CNNM4: variants seen among roughly 807,000 people sequenced by gnomAD.
CNNM4 encodes the protein cyclin and CBS domain divalent metal cation transport mediator 4, also known as metal transporter CNNM4.
CNNM4 carries 32 observed loss-of-function variants against 53.7 expected under a neutral mutation model. The observed-to-expected ratio is 0.60, with a 90% confidence interval of 0.45 to 0.80. CNNM4 has a LOEUF of 0.80. Among genes scored for constraint, CNNM4 ranks in the 30% least tolerant of loss-of-function variants. CNNM4 has a pLI of 0.00. For synonymous variants in CNNM4, 410 were observed against 440.0 expected (o/e 0.93, Z 0.85); for missense variants, 784 against 1,022.0 (o/e 0.77, Z 3.17).
At chr2:96,765,413 A>G (rs1574050639) in intron 1 of CNNM4, among the ~76,000 whole-genome samples, 1 of 151,756 alleles carries the variant, frequency 6.6e-6, no homozygotes, top group African/African-American at 2.4e-5. Context: ...GGTGTGAGCC[A>G]CCCTGCCCAG....
chr2:96,810,866 T>G lies in CNNM4; in HGVS notation c.*1349T>G, dbSNP rs920813944. 4 of 152,298 alleles carry G rather than the reference T, an allele frequency of 2.6e-5. No individual in the cohort carries two copies. Among genetic ancestry groups the G allele is most frequent in the Non-Finnish European group, 4.4e-5 (3 of 68,120 alleles). 9.4% of individuals were successfully genotyped at this position (152,298 alleles called of 1,614,324 possible). On this transcript the variant is annotated 3_prime_UTR_variant, in exon 7 of 7. Transcript: ENST00000377075. The surrounding 1 kb of genome is among the most constrained non-coding windows in gnomAD (Gnocchi z 4.1). Reference sequence around the variant, plus strand: ...ACTAAGAGCTCTGCCCTCATGTGAATTCCTGCCCTGGCGCCTCTTCCCTGG... The same window carrying G: ...ACTAAGAGCTCTGCCCTCATGTGAAGTCCTGCCCTGGCGCCTCTTCCCTGG...
chr2:96,764,241 G>A (rs746849303), intron 1 of CNNM4, among the ~76,000 whole-genome samples: 1 of 152,192 alleles, frequency 6.6e-6, no homozygotes, highest in Non-Finnish European at 1.5e-5. Context: ...TGAGAGGGCT[G>A]TCTTTGGGCT....
chr2:96,777,374 A>C (rs2078935346), intron 1 of CNNM4, among the ~76,000 whole-genome samples: 1 of 151,984 alleles, frequency 6.6e-6, no homozygotes, highest in Admixed American at 6.6e-5. Context: ...TTTGAGATAC[A>C]GTCTCTCTGT....
intron 1 of CNNM4, among the ~76,000 whole-genome samples, chr2:96,778,542 G>A (rs1320778849): frequency 1.3e-5 from 2 of 148,506 alleles, no homozygotes; most frequent in African/African-American, 2.5e-5. Flanking sequence ...GGGCGACAGA[G>A]CAAGACTCTG....
intron 1 of CNNM4, among the ~76,000 whole-genome samples, chr2:96,790,781 A>G (rs2079055670): frequency 1.3e-5 from 2 of 150,680 alleles, no homozygotes; most frequent in South Asian, 4.2e-4. Flanking sequence ...GTTGGGAGTT[A>G]GAGACCAGCC....
chr2:96,809,580 G>A lies in CNNM4; in HGVS notation c.*63G>A. On this transcript the variant is annotated 3_prime_UTR_variant, in exon 7 of 7. Coordinates refer to ENST00000377075, the MANE Select transcript of CNNM4 (RefSeq NM_020184.4). ...CCTCCCCAGTGGGCCCACATGAAGAGAGGGAACCTGTTAGTCCAGAAAGGA... is the reference window on the plus strand; with the variant it reads ...CCTCCCCAGTGGGCCCACATGAAGAAAGGGAACCTGTTAGTCCAGAAAGGA... 1 of 1,425,228 alleles carries A rather than the reference G, an allele frequency of 7.0e-7. No homozygotes were observed. Among genetic ancestry groups the A allele is most frequent in the Non-Finnish European group, 9.9e-7 (1 of 1,012,286 alleles). The allele number at this position is 1,425,228 out of a possible 1,614,324, so 88.3% of individuals were successfully genotyped here.
chr2:96,797,590 C>T lies in CNNM4; in HGVS notation c.1624C>T (p.Leu542Phe). 1 of 1,614,196 alleles carries T rather than the reference C, an allele frequency of 6.2e-7. No individual in the cohort carries two copies. The highest frequency in any genetic ancestry group is 8.5e-7 in the Non-Finnish European group (1 of 1,180,032). ...FSAFKDADNE[L>F]KVKISPQLLL... Reference sequence around the variant, plus strand: ...TGCCTTCAAGGATGCGGACAATGAGCTCAAAGTGAAAATCTCCCCGCAGCT... The same window carrying T: ...TGCCTTCAAGGATGCGGACAATGAGTTCAAAGTGAAAATCTCCCCGCAGCT... Residue 542 changes from leucine to phenylalanine, a missense_variant, in exon 3 of 7, where the codon CTC (leucine) becomes TTC (phenylalanine). Physicochemically the swap from Leu to Phe is conservative, Grantham distance 22. Transcript: ENST00000377075. This position sits in a 1 kb window ranked among gnomAD's most constrained non-coding sequence, Gnocchi z 6.0.
Position 96,784,582 on chromosome 2 carries a change from G to A in CNNM4, c.1403-12430G>A, listed in dbSNP as rs2079000832. Among the ~76,000 whole-genome samples the A allele has an allele frequency of 2.0e-5, 3 of 152,234 alleles. No individual in the cohort carries two copies. In the South Asian group the frequency reaches 6.2e-4, roughly 31 times the overall value. ...GACCTGTCCCCAGGGTGAGGGGCCA[G>A]TCTTAGAGTCCCCATCATCAGTTTG... On this transcript the variant is annotated intron_variant, in intron 1 of 6. Coordinates refer to ENST00000377075, the MANE Select transcript of CNNM4 (RefSeq NM_020184.4).
intron 1 of CNNM4, among the ~76,000 whole-genome samples, chr2:96,775,211 A>G (rs909712168): frequency 6.6e-6 from 1 of 152,052 alleles, no homozygotes; most frequent in African/African-American, 2.4e-5. Context: ...ACACCCTGGA[A>G]GCCCACCCCT....
chr2:96,799,312 GTGCATGGCTTCCCTGCC>G (rs1197028699), intron 4 of CNNM4, 86 bp downstream of exon 4: 20 of 1,549,250 alleles, frequency 1.3e-5, no homozygotes, highest in Non-Finnish European at 1.7e-5. Context: ...TGCTGCGGAG[GTGCATGGCTTCCCTGCC>G]TGGGGAGCCT....
rs1220502525 is a variant in CNNM4 at position 96,809,609 on chromosome 2, G to A, written c.*92G>A. On this transcript the variant is annotated 3_prime_UTR_variant, in exon 7 of 7. Transcript: ENST00000377075. ...GAACCTGTTAGTCCAGAAAGGATAC[G>A]GATAGATAGCCTGTCTGACTGAACA... 2.1e-5 allele frequency: 24 copies of A among 1,147,966 alleles called. No individual in the cohort carries two copies. The highest frequency in any genetic ancestry group is 2.3e-4 in the Middle Eastern group (1 of 4,342). The allele number at this position is 1,147,966 out of a possible 1,614,324, so 71.1% of individuals were successfully genotyped here.
Position 96,797,010 on chromosome 2 carries a change from AG to A in CNNM4, c.1404del, listed in dbSNP as rs923648542. 1 of 1,612,778 alleles carries A rather than the reference AG, an allele frequency of 6.2e-7. No homozygotes were observed. Among genetic ancestry groups the A allele is most frequent in the Non-Finnish European group, 8.5e-7 (1 of 1,179,954 alleles). On this transcript the variant is annotated splice_acceptor_variant, in intron 1 of 6. Transcript: ENST00000377075. LOFTEE classifies it high-confidence loss of function. This position sits in a 1 kb window ranked among gnomAD's most constrained non-coding sequence, Gnocchi z 6.0. ...TGTCTGACTTGCTGCATTGTCCCAC[AG>A]GGAAGTCCCACCTGGCCATCGTGCA... is the stretch of plus-strand genomic sequence containing the variant.
At chr2:96,764,175 T>C (rs1314848971) in intron 1 of CNNM4, among the ~76,000 whole-genome samples, 1 of 152,124 alleles carries the variant, frequency 6.6e-6, no homozygotes, top group Admixed American at 6.5e-5. Flanking sequence ...GTCTGACCAG[T>C]CTCCCAGTCT....
intron 1 of CNNM4, among the ~76,000 whole-genome samples, chr2:96,765,055 T>G (rs1574050185): frequency 8.2e-6 from 1 of 122,188 alleles, no homozygotes; most frequent in African/African-American, 3.7e-5. Flanking sequence ...TTTTTTTTTT[T>G]TTTTTTTTTT....
rs1266663105 is a variant in CNNM4 at position 96,761,931 on chromosome 2, T to C, written c.932T>C (p.Leu311Pro). The stretch of plus-strand genomic sequence containing the variant: ...ATCCTTCTCACCAAATTCTTTATGC[T>C]ACTCACCTTCCCCCTCAGTTTTCCC... ...NTILLTKFFMLLTFPLSFPIS... is the reference protein window; with the variant it reads ...NTILLTKFFMPLTFPLSFPIS... The change falls in exon 1 of 7, where the codon CTA becomes CCA. Residue 311 changes from leucine to proline, a missense_variant. By Grantham distance (98) the Leu-to-Pro change is moderately conservative. This residue lies in a region of CNNM4 where 473 missense variants were observed against 624.6 expected (regional missense o/e 0.76). Transcript: ENST00000377075. The surrounding 1 kb of genome is among the most constrained non-coding windows in gnomAD (Gnocchi z 6.0). The C allele has an allele frequency of 6.2e-7, 1 of 1,614,180 alleles. No homozygotes were observed. Among genetic ancestry groups the C allele is most frequent in the Non-Finnish European group, 8.5e-7 (1 of 1,180,032 alleles).
chr2:96,805,431 T>TA (rs1558997409), intron 5 of CNNM4, among the ~76,000 whole-genome samples: 3 of 140,390 alleles, frequency 2.1e-5, no homozygotes, highest in Non-Finnish European at 4.5e-5. Context: ...TTTTTTTTTT[T>TA]TTTTTTTTAT....
At chr2:96,798,779 G>T (rs1184993987) in intron 3 of CNNM4, among the ~76,000 whole-genome samples, 1 of 152,162 alleles carries the variant, frequency 6.6e-6, no homozygotes, top group Non-Finnish European at 1.5e-5. Flanking sequence ...TACAGATGAG[G>T]AAACTGAGAT....
chr2:96,770,155 C>G (rs1394247090), intron 1 of CNNM4, among the ~76,000 whole-genome samples: 1 of 152,248 alleles, frequency 6.6e-6, no homozygotes, highest in Non-Finnish European at 1.5e-5. Flanking sequence ...CTTGACAGTT[C>G]TCTTCTCAGA....
At chr2:96,765,160 CTTG>C (rs1233136922) in intron 1 of CNNM4, among the ~76,000 whole-genome samples, 1 of 143,192 alleles carries the variant, frequency 7.0e-6, no homozygotes, top group African/African-American at 2.6e-5. Context: ...GAGTTTTGCT[CTTG>C]TTGTCCAGGC....
Sources: allele counts gnomAD v4.1 joint callset (sites outside exome capture counted in the v4.1 genomes callset), GRCh38; gene constraint gnomAD v4.1.1; regional missense constraint gnomAD v4.1.1; non-coding constraint Gnocchi (gnomAD v3.1); transcripts MANE v1.5; gene names NCBI Gene and HGNC (gene_info 2026-07-23, HGNC 2026-07-21).